Variants in BAIAP3 observed in about 807,000 individuals in gnomAD.
The protein encoded by BAIAP3 is BAI1-associated protein 3.
A neutral mutation model predicts 149.7 loss-of-function variants in BAIAP3; 180 were observed. The ratio of observed to expected loss-of-function variants is 1.20; its 90% confidence interval spans 1.07 to 1.36. The LOEUF (loss-of-function observed/expected upper bound fraction) is 1.36. Ranked by LOEUF, BAIAP3 falls within the 40% of genes most tolerant of loss-of-function variation. The pLI is 0.00. For missense variants in BAIAP3, 1,767 were observed against 1,563.4 expected, an observed-to-expected ratio of 1.13 and a Z score of -2.20; for synonymous variants, 845 against 670.7, an observed-to-expected ratio of 1.26 and a Z score of -4.02.
Position 1,338,980 on chromosome 16 carries a change from G to A in BAIAP3, c.210G>A (p.Pro70=), listed in dbSNP as rs956889411. 1.4e-5 allele frequency: 23 copies of A among 1,612,780 alleles called. No individual in the cohort carries two copies. The highest frequency in any genetic ancestry group is 7.7e-5 in the South Asian group (7 of 91,080). ...LKKGEGRQGL[P]CLEVPLRSGS... is the part of the protein sequence containing the mutation. ...AGGGGGAAGGCAGACAGGGCTTGCC[G>A]TGCCTCGAGGTAAGGGTGCCACCCC... Residue 70 remains proline, a synonymous_variant, in exon 3 of 34, where the codon CCG becomes CCA. Transcript: ENST00000426824.
intron 14 of BAIAP3, 133 bp from the exon 15 acceptor site, chr16:1,343,260 A>AG: frequency 1.5e-6 from 2 of 1,355,954 alleles, no homozygotes; most frequent in Non-Finnish European, 2.0e-6. Flanking sequence ...GGGCAGGGAA[A>AG]GGGGCAGTGC....
At chr16:1,334,383 G>A (rs1352839143) in intron 1 of BAIAP3, 3 of 478,092 alleles carry the variant, frequency 6.3e-6, no homozygotes, top group African/African-American at 5.9e-5. Flanking sequence ...CCTCCGAGGG[G>A]AGAGACCCCC....
chr16:1,340,094 A>ATG (rs1161812125), intron 5 of BAIAP3, among the ~76,000 whole-genome samples: 12 of 147,960 alleles, frequency 8.1e-5, no homozygotes, highest in Admixed American at 6.7e-5. Context: ...GTGCACACAG[A>ATG]CACAGGCACA....
Position 1,344,925 on chromosome 16 carries a change from G to C in BAIAP3, c.1810-44G>C, listed in dbSNP as rs778306861. The C allele has an allele frequency of 2.4e-5, 38 of 1,613,544 alleles. No individual in the cohort carries two copies. The Middle Eastern group carries it at 2.7e-3, about 114-fold the overall frequency. On this transcript the variant is annotated intron_variant, in intron 20 of 33. Coordinates refer to ENST00000426824, the MANE Select transcript of BAIAP3 (RefSeq NM_001199097.2). ...AGATGCCCTTGGCTAGGACGGTCCT[G>C]GGATTCCTTGCTGCTGGAGGCCTGA...
chr16:1,345,750 G>T lies in BAIAP3; in HGVS notation c.2068G>T (p.Glu690Ter). ...CCAGCCTCCCCTGCCTCCCTAGCTG[G>T]AGCCCGTGGACGCCTCCTCCAGGCA... ...LQGAVDMDTLEPVDASSRHSS... is the reference protein window; with the variant it reads ...LQGAVDMDTL The change falls in exon 23 of 34, where the codon GAG becomes TAG. Residue 690 changes from glutamate to a stop codon, truncating the protein, a stop_gained. Transcript: ENST00000426824. LOFTEE classifies it high-confidence loss of function. 1 of 1,536,032 alleles carries T rather than the reference G, an allele frequency of 6.5e-7. No individual in the cohort carries two copies.
rs1052605699 is a variant in BAIAP3, at chr16:1,347,573, A to T, written c.2852A>T (p.Lys951Ile). ...KRLKEELRLH[K>I]CSTRECIEQF... ...CTGAAGGAGGAGCTGCGGCTGCACA[A>T]ATGTTCCACCCGCGAGTGCATCGAG... Residue 951 changes from lysine (K) to isoleucine (I), a missense_variant, in exon 30 of 34, where the codon AAA becomes ATA. Coordinates refer to ENST00000426824, the MANE Select transcript of BAIAP3 (RefSeq NM_001199097.2). 6.2e-7 allele frequency: 1 copy of T among 1,612,260 alleles called. No homozygotes were observed. The highest frequency in any genetic ancestry group is 8.5e-7 in the Non-Finnish European group (1 of 1,179,648).
In BAIAP3 at chr16:1,344,827, C is replaced by T; in HGVS notation, c.1787C>T (p.Thr596Ile). 1.2e-6 allele frequency: 2 copies of T among 1,613,842 alleles called. No individual in the cohort carries two copies. The highest frequency in any genetic ancestry group is 1.7e-6 in the Non-Finnish European group (2 of 1,180,026). ...SILNVDVFTL[T>I]FRQLERLVAE... ...CTCAATGTGGACGTCTTCACCCTGA[C>T]CTTCCGGCAGCTGGAGCGTCTGGTG... The change falls in exon 20 of 34, where the codon ACC becomes ATC. Residue 596 changes from threonine (T) to isoleucine (I), a missense_variant. Physicochemically the swap from Thr to Ile is moderately conservative, Grantham distance 89 (BLOSUM62 -1). Coordinates refer to ENST00000426824, the MANE Select transcript of BAIAP3 (RefSeq NM_001199097.2).
At chr16:1,347,096 T>C in intron 28 of BAIAP3, 141 bp downstream of exon 28, 1 of 906,282 alleles carries the variant, frequency 1.1e-6, no homozygotes, top group Non-Finnish European at 1.7e-6. Flanking sequence ...CCTCCTCCCG[T>C]TAATGCCGAG....
chr16:1,340,237 AGGTG>A (rs2033817632), intron 5 of BAIAP3, among the ~76,000 whole-genome samples: 2 of 127,266 alleles, frequency 1.6e-5, no homozygotes, highest in Non-Finnish European at 3.2e-5. Context: ...CACAGGTTGC[AGGTG>A]CACACAGACG....
chr16:1,340,832 C>A, intron 5 of BAIAP3, 90 bp from the exon 6 acceptor site: 2 of 1,389,366 alleles, frequency 1.4e-6, no homozygotes, highest in South Asian at 2.5e-5. Context: ...GGTTGGGTGT[C>A]TGTGACGGGC....
rs920759715 is a variant in BAIAP3, at chr16:1,342,536, G to A, written c.967G>A (p.Val323Met). 6.4e-7 allele frequency: 1 copy of A among 1,552,090 alleles called. No individual in the cohort carries two copies. The highest frequency in any genetic ancestry group is 8.7e-7 in the Non-Finnish European group (1 of 1,148,132). ...CLNIPVREVP[V>M]AGVDRWFKLE... ...CCCATGCTACCCCCAGGAGGTGCCT[G>A]TGGCTGGCGTCGACCGCTGGTTCAA... Residue 323 changes from valine (V) to methionine (M), a missense_variant, in exon 12 of 34, where the codon GTG becomes ATG. Transcript: ENST00000426824.
chr16:1,346,134 C>T lies in BAIAP3; in HGVS notation c.2302-36C>T, dbSNP rs919919621. 5 of 1,607,508 alleles carry T rather than the reference C, an allele frequency of 3.1e-6. No homozygotes were observed. In the Admixed American group the frequency reaches 6.7e-5, roughly 22 times the overall value. ...AGGAGGTGGGGGGCCATCACCAGGC[C>T]CCGGACCCATCGTTGCCTGGCCACA... On this transcript the variant is annotated intron_variant, in intron 24 of 33. Transcript: ENST00000426824.
In BAIAP3 at chr16:1,347,740, C is replaced by T. The variant is rs768512548; in HGVS notation, c.2944C>T (p.Arg982Cys). Residue 982 changes from arginine (R) to cysteine (C), a missense_variant, in exon 31 of 34, where the codon CGT becomes TGT. Physicochemically the swap from Arg to Cys is radical, Grantham distance 180. Transcript: ENST00000426824. ...GAACCGGTTTGGACGCCTGAGCGTC[C>T]GTTGCCATTACGAGGCGGCTGAGCA... Reference protein sequence around the residue: ...EQNRFGRLSVRCHYEAAEQRL... With the variant: ...EQNRFGRLSVCCHYEAAEQRL... 56 of 1,610,044 alleles carry T rather than the reference C, an allele frequency of 3.5e-5. No individual in the cohort carries two copies. The highest frequency in any genetic ancestry group is 3.3e-4 in the East Asian group (15 of 44,788).
rs1163187270 is a variant in BAIAP3, at chr16:1,347,815, G to A, written c.3019G>A (p.Ala1007Thr). The A allele has an allele frequency of 1.8e-5, 29 of 1,603,360 alleles. No individual in the cohort carries two copies. Among genetic ancestry groups the A allele is most frequent in the East Asian group, 4.5e-5 (2 of 44,648 alleles). The stretch of plus-strand genomic sequence containing the variant: ...CGCCGCGGACCTGCTCCCCCTGGAC[G>A]CCAACGGTGAGTTGCAGCGGGGACG... The part of the protein sequence containing the change: ...LHAADLLPLD[A>T]NGLSDPFVIV... Residue 1007 changes from alanine (A) to threonine (T), a missense_variant, in exon 31 of 34, where the codon GCC becomes ACC. Coordinates refer to ENST00000426824, the MANE Select transcript of BAIAP3 (RefSeq NM_001199097.2).
rs757867331 is a variant in BAIAP3, at chr16:1,348,451, A to T, written c.3428A>T (p.Glu1143Val). 3 of 1,612,124 alleles carry T rather than the reference A, an allele frequency of 1.9e-6. No individual in the cohort carries two copies. The African/African-American group carries it at 4.0e-5, about 22-fold the overall frequency. Reference protein sequence around the residue: ...EAQEFVKKLKELEKCMEADP With the variant: ...EAQEFVKKLKVLEKCMEADP ...CAGGAGTTCGTGAAGAAACTCAAGG[A>T]GCTGGAGAAGTGCATGGAGGCGGAC... Residue 1143 changes from glutamate to valine, a missense_variant, in exon 34 of 34, where the codon GAG (glutamate) becomes GTG (valine). Physicochemically the swap from Glu to Val is moderately radical, Grantham distance 121 (BLOSUM62 -2). Transcript: ENST00000426824.
intron 4 of BAIAP3, 120 bp downstream of exon 4, chr16:1,339,364 GGTGA>G (rs1390565659): frequency 1.5e-5 from 22 of 1,489,396 alleles, no homozygotes; most frequent in Non-Finnish European, 1.7e-5. Context: ...TGAGTGGGTG[GGTGA>G]GTGAGGAGCG....
In BAIAP3 at chr16:1,339,613, C is replaced by A. The variant is rs1407635289; in HGVS notation, c.408+10C>A. On this transcript the variant is annotated intron_variant, in intron 5 of 33. Coordinates refer to ENST00000426824, the MANE Select transcript of BAIAP3 (RefSeq NM_001199097.2). Reference sequence around the variant, plus strand: ...CAGCTATCTCCAGCAGGTCAGCCCACCCTGACCCCGACCCAGACCCTGACA... The same window carrying A: ...CAGCTATCTCCAGCAGGTCAGCCCAACCTGACCCCGACCCAGACCCTGACA... The A allele has an allele frequency of 1.2e-6, 2 of 1,603,688 alleles. No individual in the cohort carries two copies. Among genetic ancestry groups the A allele is most frequent in the Non-Finnish European group, 1.7e-6 (2 of 1,174,456 alleles).
chr16:1,336,488 G>T (rs1158795924), intron 1 of BAIAP3: 1 of 775,672 alleles, frequency 1.3e-6, no homozygotes, highest in East Asian at 1.3e-4. Context: ...GGTCCCGTAA[G>T]AGCCTGCACC....
Position 1,345,735 on chromosome 16 carries a change from C to A in BAIAP3, c.2065-12C>A. On this transcript the variant is annotated splice_polypyrimidine_tract_variant and intron_variant, in intron 22 of 33. Transcript: ENST00000426824. ...GCCTCCCCAGCAAACCCAGCCTCCC[C>A]TGCCTCCCTAGCTGGAGCCCGTGGA... 6.5e-7 allele frequency: 1 copy of A among 1,530,676 alleles called. No individual in the cohort carries two copies. Among genetic ancestry groups the A allele is most frequent in the East Asian group, 2.4e-5 (1 of 41,050 alleles). 94.8% of individuals were successfully genotyped at this position (1,530,676 alleles called of 1,614,324 possible). A position where few individuals can be genotyped will look rare whatever the true frequency, so the allele number is the denominator to read the frequency against.
Sources: allele counts gnomAD v4.1 joint callset (sites outside exome capture counted in the v4.1 genomes callset), GRCh38; gene constraint gnomAD v4.1.1; transcripts MANE v1.5; gene names NCBI Gene and HGNC (gene_info 2026-07-23, HGNC 2026-07-21).